The following PALM2AKAP2 variants were observed in gnomAD, a reference collection of about 807,000 sequenced individuals.
PALM2AKAP2 encodes PALM2-AKAP2 fusion protein.
In PALM2AKAP2, 37 loss-of-function variants were observed where a neutral mutation model predicts 71.5. The observed-to-expected ratio is 0.52, with a 90% CI of 0.40 to 0.68. The LOEUF is 0.68. Among genes scored for constraint, PALM2AKAP2 ranks in the 30% least tolerant of loss-of-function variants. The pLI is 0.00. For synonymous variants in PALM2AKAP2, 468 were observed against 478.8 expected (o/e 0.98, Z 0.29); for missense variants, 1,224 against 1,191.8 (o/e 1.03, Z -0.40).
chr9:109,709,905 T>C (rs1564121028), intron 1 of PALM2AKAP2, among the ~76,000 whole-genome samples: 1 of 152,198 alleles, frequency 6.6e-6, no homozygotes. Context: ...TATGATCTTA[T>C]TTGGAAAAAG....
chr9:110,051,906 CT>C (rs35443425), intron 1 of PALM2AKAP2, among the ~76,000 whole-genome samples: 356 of 143,138 alleles, frequency 2.5e-3, no homozygotes, highest in Non-Finnish European at 2.6e-3. Flanking sequence ...AAATTGCACC[CT>C]TTTTTTTTTT....
At chr9:109,792,201 T>C (rs1236584749) in intron 1 of PALM2AKAP2, among the ~76,000 whole-genome samples, 1 of 152,238 alleles carries the variant, frequency 6.6e-6, no homozygotes, top group Non-Finnish European at 1.5e-5. Flanking sequence ...TTATCCAGCA[T>C]GCTGGATGAA....
At chr9:110,024,209 AAC>A (rs1351946757) in intron 7 of PALM2AKAP2, among the ~76,000 whole-genome samples, 2 of 152,192 alleles carry the variant, frequency 1.3e-5, no homozygotes, top group Admixed American at 6.5e-5. Flanking sequence ...CCAGTTTTAG[AAC>A]ACACACAGTT....
At chr9:110,131,915 A>G (rs965201936) in intron 1 of PALM2AKAP2, among the ~76,000 whole-genome samples, 5 of 152,172 alleles carry the variant, frequency 3.3e-5, no homozygotes, top group Non-Finnish European at 7.3e-5. Context: ...CACAAGAAGG[A>G]GGGCCTCTTT....
At chr9:110,071,824 T>C (rs1233381670) in intron 1 of PALM2AKAP2, among the ~76,000 whole-genome samples, 1 of 152,214 alleles carries the variant, frequency 6.6e-6, no homozygotes, top group Admixed American at 6.5e-5. Context: ...GATACTTGTG[T>C]TCTGCCCATC....
intron 1 of PALM2AKAP2, among the ~76,000 whole-genome samples, chr9:109,784,747 C>T (rs1342755899): frequency 2.6e-5 from 4 of 152,246 alleles, no homozygotes; most frequent in Non-Finnish European, 4.4e-5. Context: ...GGAGCCTTTG[C>T]TTTGACTGCT....
At chr9:109,844,931 ATGTGTG>A (rs71373945) in intron 1 of PALM2AKAP2, among the ~76,000 whole-genome samples, 243 of 149,412 alleles carry the variant, frequency 1.6e-3, no homozygotes, top group African/African-American at 5.6e-3. Context: ...CCAGAAAATG[ATGTGTG>A]TGTGTGTGTG....
At chr9:110,135,186 T>TATATATATATAG in intron 1 of PALM2AKAP2, among the ~76,000 whole-genome samples, 1 of 101,734 alleles carries the variant, frequency 9.8e-6, no homozygotes, top group Non-Finnish European at 2.0e-5. Context: ...TATATATATA[T>TATATATATATAG]ATAAATCAGC....
intron 1 of PALM2AKAP2, among the ~76,000 whole-genome samples, chr9:109,815,274 T>C (rs746011052): frequency 7.2e-5 from 11 of 152,182 alleles, no homozygotes; most frequent in Non-Finnish European, 1.6e-4. Context: ...TGGGGAAAAG[T>C]GATGAGTTTA....
At chr9:110,117,943 T>C (rs1835399639) in intron 1 of PALM2AKAP2, among the ~76,000 whole-genome samples, 1 of 136,094 alleles carries the variant, frequency 7.3e-6, no homozygotes, top group Non-Finnish European at 1.6e-5. Flanking sequence ...ATATATATAG[T>C]GTAAGATACA....
In PALM2AKAP2 at chr9:110,101,842, A is replaced by G. The variant is rs145485640; in HGVS notation, c.157-34285A>G. On this transcript the variant is annotated intron_variant, in intron 1 of 3. Transcript: ENST00000374525. ...TTTTCACTGTTCCCTTTCCTTTTGG[A>G]TATAACATATGACCCACTTACGAGG... Among the ~76,000 whole-genome samples, 181 of 152,268 alleles carry G rather than the reference A, an allele frequency of 1.2e-3. 1 individual carries two copies. Among genetic ancestry groups the G allele is most frequent in the African/African-American group, 4.3e-3 (178 of 41,560 alleles).
intron 1 of PALM2AKAP2, among the ~76,000 whole-genome samples, chr9:109,734,493 CAT>C (rs1327858682): frequency 6.6e-6 from 1 of 152,198 alleles, no homozygotes; most frequent in Non-Finnish European, 1.5e-5. Flanking sequence ...AAAACAGCCA[CAT>C]GTGTCTAGTG....
At chr9:110,094,320 A>G (rs907375996) in intron 1 of PALM2AKAP2, among the ~76,000 whole-genome samples, 5 of 152,232 alleles carry the variant, frequency 3.3e-5, no homozygotes, top group African/African-American at 1.2e-4. Context: ...TGACCAATGA[A>G]CAAGGCAACT....
At chr9:109,891,485 T>TTGTG (rs55756726) in intron 3 of PALM2AKAP2, among the ~76,000 whole-genome samples, 15 of 151,334 alleles carry the variant, frequency 9.9e-5, no homozygotes, top group Admixed American at 4.6e-4. Flanking sequence ...ACTCATCATT[T>TTGTG]TGTGTGTGTG....
At chr9:109,701,557 C>T (rs1417972651) in intron 1 of PALM2AKAP2, among the ~76,000 whole-genome samples, 1 of 152,198 alleles carries the variant, frequency 6.6e-6, no homozygotes, top group Non-Finnish European at 1.5e-5. Context: ...AAAGCTGAAA[C>T]TGGATCCCTT....
intron 7 of PALM2AKAP2, among the ~76,000 whole-genome samples, chr9:110,034,235 A>G (rs940449025): frequency 2.8e-4 from 43 of 151,894 alleles, no homozygotes; most frequent in African/African-American, 1.0e-3. Flanking sequence ...TTGGCTCACC[A>G]CAACCTCTGC....
At chr9:110,154,793 T>G (rs890103012) in intron 2 of PALM2AKAP2, among the ~76,000 whole-genome samples, 3 of 152,106 alleles carry the variant, frequency 2.0e-5, no homozygotes, top group African/African-American at 7.2e-5. Context: ...AATCCCCAAG[T>G]GTAACAGCTA....
intron 3 of PALM2AKAP2, among the ~76,000 whole-genome samples, chr9:109,891,144 A>T (rs1274834141): frequency 6.6e-6 from 1 of 152,184 alleles, no homozygotes; most frequent in African/African-American, 2.4e-5. Flanking sequence ...TGGAAGGATC[A>T]GGCATCTTTA....
intron 1 of PALM2AKAP2, among the ~76,000 whole-genome samples, chr9:109,787,330 C>A (rs1453829149): frequency 3.9e-5 from 6 of 152,172 alleles, no homozygotes; most frequent in Non-Finnish European, 1.5e-5. Context: ...TTATAATAAG[C>A]AAACCAACAA....
Sources: allele counts gnomAD v4.1 joint callset (sites outside exome capture counted in the v4.1 genomes callset), GRCh38; gene constraint gnomAD v4.1.1; transcripts MANE v1.5; gene names NCBI Gene and HGNC (gene_info 2026-07-23, HGNC 2026-07-21).